The following HNRNPF variants were observed in gnomAD, a reference collection of about 807,000 sequenced individuals.
HNRNPF encodes the protein HnRNP F protein.
In HNRNPF, 2 loss-of-function variants were observed where a neutral mutation model predicts 26.0. The ratio of observed to expected loss-of-function variants is 0.08; its 90% CI spans 0.03 to 0.24. The LOEUF (loss-of-function observed/expected upper bound fraction) is 0.24, where lower values mean the gene tolerates loss of function less well. HNRNPF is among the 10% of genes least tolerant of loss of function. HNRNPF has a pLI of 1.00. For synonymous variants in HNRNPF, 234 were observed against 211.5 expected, an observed-to-expected ratio of 1.11 and a Z score of -0.92; for missense variants, 299 against 539.2, an observed-to-expected ratio of 0.55 and a Z score of 4.41.
intron 1 of HNRNPF, among the ~76,000 whole-genome samples, chr10:43,403,040 T>C (rs979306133): frequency 1.3e-5 from 2 of 152,178 alleles, no homozygotes; most frequent in African/African-American, 4.8e-5. Context: ...AGATAGGGTC[T>C]TGCCATCTTG....
chr10:43,406,641 GA>G (rs1838928119), intron 1 of HNRNPF, among the ~76,000 whole-genome samples: 1 of 151,082 alleles, frequency 6.6e-6, no homozygotes, highest in Non-Finnish European at 1.5e-5. Context: ...GCAGCGAGCC[GA>G]GATCACACCA....
intron 1 of HNRNPF, among the ~76,000 whole-genome samples, chr10:43,399,128 G>T (rs1838669505): frequency 6.6e-6 from 1 of 152,142 alleles, no homozygotes; most frequent in African/African-American, 2.4e-5. Context: ...TCCATGATTA[G>T]TAACTGTTGA....
intron 1 of HNRNPF, among the ~76,000 whole-genome samples, chr10:43,406,532 A>T (rs1407313459): frequency 6.6e-6 from 1 of 152,096 alleles, no homozygotes; most frequent in Non-Finnish European, 1.5e-5. Context: ...CCATCTCTAC[A>T]AAAAATACAA....
chr10:43,388,465 C>T (rs1838117275), intron 3 of HNRNPF, among the ~76,000 whole-genome samples: 1 of 152,166 alleles, frequency 6.6e-6, no homozygotes, highest in South Asian at 2.1e-4. Context: ...GGATACAAGA[C>T]AGCAATGGCT....
In HNRNPF at chr10:43,386,425, G is replaced by A. The variant is rs896130823; in HGVS notation, c.*212C>T. 5 of 501,868 alleles carry A rather than the reference G, an allele frequency of 1.0e-5. No homozygotes were observed. Among genetic ancestry groups the A allele is most frequent in the Non-Finnish European group, 1.4e-5 (4 of 287,202 alleles). 31.1% of individuals were successfully genotyped at this position (501,868 alleles called of 1,614,324 possible). On this transcript the variant is annotated 3_prime_UTR_variant, in exon 4 of 4. Coordinates refer to ENST00000682386, the MANE Select transcript of HNRNPF (RefSeq NM_001098204.2). ...AGTATACTACCAAAATGTTAATTGA[G>A]AAAAGCTGAAAATAGTTTTAGTTTA...
chr10:43,398,941 A>C (rs1424428183), intron 1 of HNRNPF, among the ~76,000 whole-genome samples: 1 of 152,242 alleles, frequency 6.6e-6, no homozygotes, highest in Admixed American at 6.5e-5. Context: ...CTACAAGGAC[A>C]AATGAGCCAG....
intron 1 of HNRNPF, among the ~76,000 whole-genome samples, chr10:43,401,081 C>CAAAA (rs59546346): frequency 7.1e-6 from 1 of 140,712 alleles, no homozygotes; most frequent in Non-Finnish European, 1.6e-5. Flanking sequence ...GACTCCGTCT[C>CAAAA]AAAAAAAAAA....
chr10:43,392,475 G>A (rs1480200674), intron 3 of HNRNPF, among the ~76,000 whole-genome samples: 3 of 152,190 alleles, frequency 2.0e-5, no homozygotes, highest in Non-Finnish European at 4.4e-5. Context: ...GAAGGCAGAG[G>A]TTGCAGTGAG....
At chr10:43,408,401 G>A (rs1838999323) in intron 1 of HNRNPF, among the ~76,000 whole-genome samples, 1 of 152,154 alleles carries the variant, frequency 6.6e-6, no homozygotes, top group African/African-American at 2.4e-5. Flanking sequence ...AGTTCTTGCC[G>A]GTCCCACGTA....
At chr10:43,388,745 C>T (rs957184655) in intron 3 of HNRNPF, among the ~76,000 whole-genome samples, 2 of 152,190 alleles carry the variant, frequency 1.3e-5, no homozygotes, top group Non-Finnish European at 2.9e-5. Context: ...AAATGCCCTT[C>T]CCACCAGGGT....
chr10:43,399,863 G>T, intron 1 of HNRNPF, among the ~76,000 whole-genome samples: 1 of 152,144 alleles, frequency 6.6e-6, no homozygotes, highest in Non-Finnish European at 1.5e-5. Context: ...AGGAAATCAA[G>T]AAATGTACAA....
At chr10:43,392,620 T>C (rs902082261) in intron 3 of HNRNPF, among the ~76,000 whole-genome samples, 1 of 152,254 alleles carries the variant, frequency 6.6e-6, no homozygotes, top group Admixed American at 6.5e-5. Context: ...TATCTTCATC[T>C]TACTTAACCA....
intron 1 of HNRNPF, among the ~76,000 whole-genome samples, chr10:43,405,266 T>C (rs1172819923): frequency 6.6e-6 from 1 of 152,254 alleles, no homozygotes; most frequent in South Asian, 2.1e-4. Context: ...GCATACATTA[T>C]ATTTCTATTG....
chr10:43,387,944 A>G lies in HNRNPF; in HGVS notation c.-52-8T>C. On this transcript the variant is annotated splice_polypyrimidine_tract_variant and splice_region_variant and intron_variant, in intron 3 of 3. Transcript: ENST00000682386. The surrounding 1 kb of genome is among the most constrained non-coding windows in gnomAD (Gnocchi z 6.0). ...GGTGTGGCTTTTTTGTGGCTGGAAA[A>G]AAAAAAAAGAAAAATTTATTTAGTA... The G allele has an allele frequency of 7.1e-7, 1 of 1,407,192 alleles. No individual in the cohort carries two copies. The highest frequency in any genetic ancestry group is 9.7e-7 in the Non-Finnish European group (1 of 1,033,808). 87.2% of individuals were successfully genotyped at this position (1,407,192 alleles called of 1,614,324 possible).
At chr10:43,407,372 G>A (rs899479163) in intron 1 of HNRNPF, among the ~76,000 whole-genome samples, 3 of 152,234 alleles carry the variant, frequency 2.0e-5, no homozygotes, top group African/African-American at 4.8e-5. Context: ...CGGGCCGCCC[G>A]CGGGCAATGG....
chr10:43,404,005 G>A (rs1431664535), intron 1 of HNRNPF, among the ~76,000 whole-genome samples: 1 of 150,260 alleles, frequency 6.7e-6, no homozygotes, highest in African/African-American at 2.4e-5. Flanking sequence ...AAAAAAAAAT[G>A]TGGAGGGCTG....
intron 1 of HNRNPF, among the ~76,000 whole-genome samples, chr10:43,405,192 T>G (rs1266442866): frequency 6.6e-6 from 1 of 152,228 alleles, no homozygotes; most frequent in Non-Finnish European, 1.5e-5. Flanking sequence ...TATATTAGGT[T>G]AAATTATTAA....
intron 3 of HNRNPF, among the ~76,000 whole-genome samples, chr10:43,391,149 C>T (rs561119374): frequency 1.4e-4 from 22 of 152,160 alleles, no homozygotes; most frequent in African/African-American, 2.4e-4. Flanking sequence ...AAAAACTAGC[C>T]GGGCGTGATG....
Position 43,399,877 on chromosome 10 carries a change from T to C in HNRNPF, c.-246-3287A>G, listed in dbSNP as rs55812147. ...TAGGAAATCAAGAAATGTACAAATA[T>C]ATGATGACAAATTTTAGAATGAACG... is the stretch of plus-strand genomic sequence containing the variant. On this transcript the variant is annotated intron_variant, in intron 1 of 3. Transcript: ENST00000682386. Among the ~76,000 whole-genome samples, 930 of 152,234 alleles carry C rather than the reference T, an allele frequency of 6.1e-3. 4 individuals carry two copies. The highest frequency in any genetic ancestry group is 9.6e-3 in the Non-Finnish European group (656 of 68,016).
Sources: gnomAD v4.1 joint callset for allele counts (sites outside exome capture counted in the v4.1 genomes callset) on GRCh38, gnomAD v4.1.1 for gene constraint, Gnocchi (gnomAD v3.1) non-coding constraint, MANE v1.5 for transcripts, NCBI Gene and HGNC (gene_info 2026-07-23, HGNC 2026-07-21) for gene names.